Variants in CHRM3 observed in about 807,000 individuals in gnomAD.
CHRM3 encodes cholinergic receptor muscarinic 3.
A neutral mutation model predicts 41.8 loss-of-function variants in CHRM3; 11 were observed. The ratio of observed to expected loss-of-function variants is 0.26; its 90% CI spans 0.17 to 0.44. The LOEUF is 0.44. Among genes scored for constraint, CHRM3 ranks in the 20% least tolerant of loss-of-function variants. The pLI, the probability that CHRM3 is intolerant of heterozygous loss-of-function variation, is 1.00. For synonymous variants in CHRM3, 297 were observed against 301.4 expected (o/e 0.99, Z 0.15); for missense variants, 571 against 745.4 (o/e 0.77, Z 2.72).
chr1:239,530,680 A>G (rs947848381), intron 2 of CHRM3, among the ~76,000 whole-genome samples: 5 of 152,232 alleles, frequency 3.3e-5, no homozygotes, highest in African/African-American at 1.2e-4. Flanking sequence ...AGAGGCAGAA[A>G]TTATGTAAAA....
At chr1:239,762,929 A>G (rs1364248400) in intron 5 of CHRM3, among the ~76,000 whole-genome samples, 2 of 152,220 alleles carry the variant, frequency 1.3e-5, no homozygotes, top group Non-Finnish European at 2.9e-5. Context: ...GATGCTGTGT[A>G]AGAATGGCAG....
intron 1 of CHRM3, among the ~76,000 whole-genome samples, chr1:239,462,659 T>C (rs1370706760): frequency 6.6e-6 from 1 of 152,250 alleles, no homozygotes; most frequent in Admixed American, 6.5e-5. Flanking sequence ...GAGATAACTT[T>C]AGAATTTGTA....
rs566832739 is a variant in CHRM3 at position 239,649,632 on chromosome 1, T to A, written c.-250+17346T>A. On this transcript the variant is annotated intron_variant, in intron 4 of 6. Transcript: ENST00000676153. The stretch of plus-strand genomic sequence containing the variant: ...GAGGGCTTTTGTAAGCTAGGAGATA[T>A]CAAAGCCTGTTTGTGAGATGGTGGA... Among the ~76,000 whole-genome samples the A allele has an allele frequency of 1.3e-3, 194 of 152,128 alleles. 1 individual carries two copies. The highest frequency in any genetic ancestry group is 0.012 in the South Asian group (60 of 4,808).
intron 2 of CHRM3, among the ~76,000 whole-genome samples, chr1:239,499,733 G>T (rs546997528): frequency 9.1e-4 from 139 of 152,142 alleles, no homozygotes; most frequent in African/African-American, 3.2e-3. Flanking sequence ...AGAAGCACCA[G>T]GTAACCTATA....
intron 5 of CHRM3, among the ~76,000 whole-genome samples, chr1:239,757,731 GC>G (rs1239976805): frequency 1.3e-5 from 2 of 152,054 alleles, no homozygotes; most frequent in Admixed American, 1.3e-4. Context: ...TTCAATAAAA[GC>G]CATCCAGTTT....
intron 2 of CHRM3, among the ~76,000 whole-genome samples, chr1:239,510,425 G>A (rs931393846): frequency 1.3e-5 from 2 of 152,118 alleles, no homozygotes; most frequent in African/African-American, 4.8e-5. Flanking sequence ...TGCTGTAGCC[G>A]TCTTGTGACC....
At position 239,418,524 on chromosome 1, in the gene CHRM3, C is replaced by T. The variant is rs567430548; in HGVS notation, c.-521+31297C>T. On this transcript the variant is annotated intron_variant, in intron 1 of 6. Transcript: ENST00000676153. ...CCATTTCTTGGACTATAACCTATATCTTAGAAGCATTTTGTAATTTTAAGT... is the reference window on the plus strand; with the variant it reads ...CCATTTCTTGGACTATAACCTATATTTTAGAAGCATTTTGTAATTTTAAGT... 5.3e-5 allele frequency among the ~76,000 whole-genome samples: 8 copies of T among 152,238 alleles called. No individual in the cohort carries two copies. The South Asian group carries it at 1.7e-3, about 32-fold the overall frequency.
chr1:239,805,759 TAAATGAACCAGTGTACTTTA>T (rs1670587866), intron 5 of CHRM3, among the ~76,000 whole-genome samples: 1 of 152,196 alleles, frequency 6.6e-6, no homozygotes. Context: ...TTGTAAGAGC[TAAATGAACCAGTGTACTTTA>T]AAATGTTTTA....
intron 5 of CHRM3, among the ~76,000 whole-genome samples, chr1:239,771,212 G>A (rs965720664): frequency 3.3e-5 from 5 of 151,976 alleles, no homozygotes; most frequent in South Asian, 2.1e-4. Flanking sequence ...CATGTTAGCC[G>A]CCCTCTCCCT....
At chr1:239,464,708 C>A (rs578131300) in intron 1 of CHRM3, among the ~76,000 whole-genome samples, 1 of 152,288 alleles carries the variant, frequency 6.6e-6, no homozygotes, top group African/African-American at 2.4e-5. Flanking sequence ...GGACCAATTT[C>A]CAGTCCTGGG....
At chr1:239,753,839 T>C (rs939407631) in intron 5 of CHRM3, among the ~76,000 whole-genome samples, 1 of 152,172 alleles carries the variant, frequency 6.6e-6, no homozygotes, top group Admixed American at 6.5e-5. Context: ...CCTAAGAGAA[T>C]TTTTTAAAGA....
At chr1:239,856,816 G>C (rs918363264) in intron 6 of CHRM3, among the ~76,000 whole-genome samples, 3 of 152,154 alleles carry the variant, frequency 2.0e-5, no homozygotes, top group African/African-American at 7.2e-5. Flanking sequence ...AAAGGAGTTA[G>C]AGAGGGGCAT....
At chr1:239,859,420 T>TTG (rs1491248717) in intron 6 of CHRM3, among the ~76,000 whole-genome samples, 13 of 14,258 alleles carry the variant, frequency 9.1e-4, no homozygotes, top group East Asian at 3.2e-3. Flanking sequence ...GTTGTTGTTG[T>TTG]TTTTTTTTTT....
intron 6 of CHRM3, among the ~76,000 whole-genome samples, chr1:239,853,156 A>T (rs1558180456): frequency 6.6e-6 from 1 of 151,844 alleles, no homozygotes; most frequent in Non-Finnish European, 1.5e-5. Context: ...TAACCTCTCA[A>T]TAAAGTGTTG....
intron 2 of CHRM3, among the ~76,000 whole-genome samples, chr1:239,525,171 T>A (rs571283197): frequency 2.6e-5 from 4 of 152,224 alleles, no homozygotes; most frequent in Non-Finnish European, 1.5e-5. Flanking sequence ...GAGACCAGCC[T>A]GGGCAACATA....
chr1:239,853,540 A>G (rs1674868526), intron 6 of CHRM3, among the ~76,000 whole-genome samples: 1 of 152,014 alleles, frequency 6.6e-6, no homozygotes, highest in Admixed American at 6.6e-5. Flanking sequence ...CCAATATTAT[A>G]AGACATTGCC....
At chr1:239,633,766 G>A (rs113374902) in intron 4 of CHRM3, among the ~76,000 whole-genome samples, 4,082 of 151,312 alleles carry the variant, frequency 0.027, 88 homozygotes, top group Admixed American at 0.055. Flanking sequence ...GCCGAACTGG[G>A]GATACTGGAG....
At chr1:239,779,460 G>A (rs1159947435) in intron 5 of CHRM3, among the ~76,000 whole-genome samples, 4 of 152,254 alleles carry the variant, frequency 2.6e-5, no homozygotes, top group Non-Finnish European at 1.5e-5. Context: ...TAGGCCAAGT[G>A]TGTTGGCTCA....
At chr1:239,495,689 C>T (rs1276275980) in intron 2 of CHRM3, among the ~76,000 whole-genome samples, 1 of 152,096 alleles carries the variant, frequency 6.6e-6, no homozygotes, top group Non-Finnish European at 1.5e-5. Context: ...TTGGCTTTCC[C>T]CTTATAGAAT....
Sources: gnomAD v4.1 joint callset for allele counts (sites outside exome capture counted in the v4.1 genomes callset) on GRCh38, gnomAD v4.1.1 for gene constraint, MANE v1.5 for transcripts, NCBI Gene and HGNC (gene_info 2026-07-23, HGNC 2026-07-21) for gene names.